The following NCKAP5 variants were observed in gnomAD, a reference collection of about 807,000 sequenced individuals.
NCKAP5 encodes nck-associated protein 5.
Under a neutral mutation model 167.0 loss-of-function variants are expected in NCKAP5, and 92 were observed. The ratio of observed to expected loss-of-function variants is 0.55; its 90% CI spans 0.47 to 0.66. NCKAP5 has a LOEUF of 0.66. Ranked by LOEUF, NCKAP5 falls within the 30% of genes least tolerant of loss-of-function variation. The probability of loss-of-function intolerance (pLI) is 0.00; values close to 1 mark genes in which losing one functional copy is unlikely to be tolerated. For synonymous variants in NCKAP5, 891 were observed against 877.4 expected (o/e 1.02, Z -0.27); for missense variants, 2,378 against 2,315.0 (o/e 1.03, Z -0.56).
In NCKAP5 at chr2:132,782,213, T is replaced by C. The variant is rs1179892416; in HGVS notation, c.4598A>G (p.Glu1533Gly). ...CCCCAAGACTTTTGCATCTTTCTTT[T>C]CTACTTTGGTTTTGGAGATGTCCAT... is the stretch of plus-strand genomic sequence containing the variant. Reference protein sequence around the residue: ...RKMDISKTKVEKKDAKVLGFG... With the variant: ...RKMDISKTKVGKKDAKVLGFG... Residue 1533 changes from glutamate to glycine, a missense_variant, in exon 14 of 20, where the codon GAA becomes GGA. By Grantham distance (98) the Glu-to-Gly change is moderately conservative. This residue lies in a region of NCKAP5 where 1,325 missense variants were observed against 1,274.5 expected (regional missense o/e 1.04). Transcript: ENST00000409261. 3 of 1,613,762 alleles carry C rather than the reference T, an allele frequency of 1.9e-6. No individual in the cohort carries two copies. Among genetic ancestry groups the C allele is most frequent in the Non-Finnish European group, 2.5e-6 (3 of 1,179,888 alleles).
At chr2:132,990,603 C>T (rs1476607312) in intron 7 of NCKAP5, among the ~76,000 whole-genome samples, 2 of 152,052 alleles carry the variant, frequency 1.3e-5, no homozygotes, top group East Asian at 3.9e-4. Context: ...TCCAGTTGGG[C>T]TCCATATCAT....
intron 19 of NCKAP5, among the ~76,000 whole-genome samples, chr2:132,715,635 G>A (rs1307004384): frequency 6.6e-6 from 1 of 152,216 alleles, no homozygotes; most frequent in Non-Finnish European, 1.5e-5. Context: ...GACTTAATGT[G>A]TAGCAGCCTC....
At chr2:133,388,862 G>A (rs1330108299) in intron 3 of NCKAP5, among the ~76,000 whole-genome samples, 2 of 152,232 alleles carry the variant, frequency 1.3e-5, no homozygotes, top group Non-Finnish European at 2.9e-5. Flanking sequence ...CTCCTGGTGT[G>A]CTGTTTGCTA....
At chr2:132,908,652 A>G (rs1694195151) in intron 8 of NCKAP5, among the ~76,000 whole-genome samples, 1 of 152,200 alleles carries the variant, frequency 6.6e-6, no homozygotes, top group African/African-American at 2.4e-5. Context: ...TATTACTGTT[A>G]AATTTTTATC....
rs377350960 is a variant in NCKAP5 at position 133,260,790 on chromosome 2, A to G, written c.143+42247T>C. On this transcript the variant is annotated intron_variant, in intron 4 of 19. Coordinates refer to ENST00000409261, the MANE Select transcript of NCKAP5 (RefSeq NM_207363.3). ...GAACAGTCTGGGAGAAGGCAAGCTG[A>G]TACAAATTTGCATCAGGTGAACTGT... is the stretch of plus-strand genomic sequence containing the variant. 1.1e-4 allele frequency among the ~76,000 whole-genome samples: 16 copies of G among 152,362 alleles called. No individual in the cohort carries two copies. The East Asian group carries it at 1.7e-3, about 17-fold the overall frequency.
intron 11 of NCKAP5, among the ~76,000 whole-genome samples, chr2:132,799,173 C>T (rs1684837180): frequency 6.6e-6 from 1 of 152,126 alleles, no homozygotes; most frequent in Non-Finnish European, 1.5e-5. Flanking sequence ...ACTGCATGTT[C>T]TCACTTATAA....
At chr2:133,595,601 C>CGAAAG in the NCKAP5 span, among the ~76,000 whole-genome samples, 4 of 152,014 alleles carry the variant, frequency 2.6e-5, no homozygotes, top group South Asian at 8.3e-4. Context: ...CTGGACTTTC[C>CGAAAG]TCTGGGGTCT....
chr2:133,221,439 C>T (rs886100668), intron 4 of NCKAP5, among the ~76,000 whole-genome samples: 1 of 152,100 alleles, frequency 6.6e-6, no homozygotes, highest in East Asian at 1.9e-4. Flanking sequence ...ACTATATAAT[C>T]CAACAATAAT....
At chr2:133,473,217 A>G (rs1235840212) in intron 3 of NCKAP5, among the ~76,000 whole-genome samples, 8 of 152,040 alleles carry the variant, frequency 5.3e-5, no homozygotes, top group Admixed American at 5.2e-4. Context: ...CTGTAGTCCC[A>G]GCTACTCAGG....
chr2:133,134,496 C>T (rs768842604), intron 5 of NCKAP5, among the ~76,000 whole-genome samples: 4 of 152,168 alleles, frequency 2.6e-5, no homozygotes, highest in Non-Finnish European at 5.9e-5. Flanking sequence ...CAGTAACACA[C>T]ATGTTATACC....
intron 16 of NCKAP5, among the ~76,000 whole-genome samples, chr2:132,759,232 TTGTC>T (rs1680803704): frequency 6.6e-6 from 1 of 152,202 alleles, no homozygotes; most frequent in South Asian, 2.1e-4. Flanking sequence ...ATTTCAAAAT[TTGTC>T]TGTCCTTTCC....
chr2:132,945,463 T>C (rs1311011142), intron 8 of NCKAP5, among the ~76,000 whole-genome samples: 2 of 151,928 alleles, frequency 1.3e-5, no homozygotes, highest in Non-Finnish European at 2.9e-5. Context: ...ATGGAAGTCA[T>C]ATCCCAACAG....
intron 8 of NCKAP5, among the ~76,000 whole-genome samples, chr2:132,898,410 C>T (rs1357732308): frequency 6.6e-6 from 1 of 152,214 alleles, no homozygotes. Context: ...CTTCCAAACT[C>T]CCGTTAATGT....
intron 2 of NCKAP5, among the ~76,000 whole-genome samples, chr2:133,546,168 G>A (rs1033100381): frequency 3.3e-5 from 5 of 151,462 alleles, no homozygotes; most frequent in African/African-American, 1.2e-4. Flanking sequence ...AACTGGCTGA[G>A]CTCAGATCTT....
At chr2:133,094,676 G>T (rs1182259365) in intron 6 of NCKAP5, among the ~76,000 whole-genome samples, 1 of 152,156 alleles carries the variant, frequency 6.6e-6, no homozygotes, top group Non-Finnish European at 1.5e-5. Flanking sequence ...GAGACAAAAG[G>T]AATTTTGCAA....
At chr2:133,626,690 A>AATG in the NCKAP5 span, among the ~76,000 whole-genome samples, 4 of 152,088 alleles carry the variant, frequency 2.6e-5, no homozygotes, top group African/African-American at 9.6e-5. Flanking sequence ...AATTATCTCT[A>AATG]ATGATATAAT....
chr2:133,642,077 G>A, the NCKAP5 span, among the ~76,000 whole-genome samples: 1 of 152,154 alleles, frequency 6.6e-6, no homozygotes, highest in Non-Finnish European at 1.5e-5. Context: ...GGCAGAAAAG[G>A]GAAAGGAAAT....
At chr2:132,692,779 T>C (rs1338401848) in intron 19 of NCKAP5, among the ~76,000 whole-genome samples, 3 of 152,198 alleles carry the variant, frequency 2.0e-5, no homozygotes, top group African/African-American at 7.2e-5. Flanking sequence ...TTGGTAGTTA[T>C]TACACGAGCT....
chr2:132,682,391 G>T (rs1057311052), intron 19 of NCKAP5, among the ~76,000 whole-genome samples: 5 of 152,150 alleles, frequency 3.3e-5, no homozygotes, highest in Non-Finnish European at 1.5e-5. Flanking sequence ...TGGGGAGTCT[G>T]CTGTTCCTGC....
Sources: gnomAD v4.1 joint callset for allele counts (sites outside exome capture counted in the v4.1 genomes callset) on GRCh38, gnomAD v4.1.1 for gene constraint, gnomAD v4.1.1 regional missense constraint, MANE v1.5 for transcripts, NCBI Gene and HGNC (gene_info 2026-07-23, HGNC 2026-07-21) for gene names.